The following CR1L variants were observed in gnomAD, a reference collection of about 807,000 sequenced individuals.
The protein encoded by CR1L is complement component receptor 1-like protein.
CR1L carries 59 observed loss-of-function variants against 62.3 expected under a neutral mutation model. That is an observed-to-expected ratio of 0.95 (90% CI 0.77 to 1.18). The LOEUF is 1.18. Among genes scored for constraint, CR1L ranks in the 50% most tolerant of loss-of-function variants. The probability of loss-of-function intolerance (pLI) is 0.00; values close to 1 mark genes in which losing one functional copy is unlikely to be tolerated. For missense variants in CR1L, 700 were observed against 702.8 expected (o/e 1.00, Z 0.04); for synonymous variants, 279 against 248.7 (o/e 1.12, Z -1.15).
chr1:207,709,832 C>CA (rs11452067), intron 10 of CR1L, among the ~76,000 whole-genome samples: 62,944 of 121,854 alleles, frequency 0.52, 15,057 homozygotes, highest in East Asian at 0.8. Flanking sequence ...GACTCTGTCT[C>CA]AAAAAAAAAA....
intron 5 of CR1L, 129 bp downstream of exon 5, chr1:207,694,880 G>T: frequency 1.3e-6 from 2 of 1,508,652 alleles, no homozygotes; most frequent in Non-Finnish European, 8.9e-7. Flanking sequence ...TCTAGGTAGT[G>T]AACATGAAAT....
chr1:207,650,042 T>A (rs533244874), intron 1 of CR1L, among the ~76,000 whole-genome samples: 1 of 151,986 alleles, frequency 6.6e-6, no homozygotes, highest in South Asian at 2.1e-4. Flanking sequence ...GTGTGTAGAG[T>A]CAAAAGTGGC....
intron 3 of CR1L, among the ~76,000 whole-genome samples, chr1:207,682,220 C>A (rs547259438): frequency 6.6e-4 from 92 of 139,994 alleles, no homozygotes; most frequent in African/African-American, 2.3e-3. Context: ...CGTGTAATCC[C>A]AGCACTTTGG....
intron 1 of CR1L, among the ~76,000 whole-genome samples, chr1:207,651,054 G>A (rs901358178): frequency 1.1e-4 from 17 of 152,030 alleles, no homozygotes; most frequent in African/African-American, 3.6e-4. Context: ...CAAACTGCTG[G>A]GATTACAGAC....
intron 1 of CR1L, among the ~76,000 whole-genome samples, chr1:207,645,938 T>G (rs1220199386): frequency 6.6e-6 from 1 of 152,156 alleles, no homozygotes; most frequent in Admixed American, 6.5e-5. Flanking sequence ...GACAGCTCAC[T>G]GTTTGCTTTG....
At chr1:207,715,985 G>A (rs780791785) in intron 10 of CR1L, among the ~76,000 whole-genome samples, 5 of 152,082 alleles carry the variant, frequency 3.3e-5, no homozygotes, top group South Asian at 2.1e-4. Context: ...GTGAGCCACC[G>A]TACCCAGCCA....
At chr1:207,680,544 AT>A (rs61550356) in intron 3 of CR1L, among the ~76,000 whole-genome samples, 7 of 151,410 alleles carry the variant, frequency 4.6e-5, no homozygotes, top group East Asian at 1.9e-4. Flanking sequence ...AAATAAAAAA[AT>A]TTTTTTTTTA....
chr1:207,666,330 A>T (rs1663523311), intron 1 of CR1L, among the ~76,000 whole-genome samples: 1 of 152,224 alleles, frequency 6.6e-6, no homozygotes, highest in East Asian at 1.9e-4. Flanking sequence ...ATGCATTACA[A>T]AAAACAGCTC....
intron 1 of CR1L, among the ~76,000 whole-genome samples, chr1:207,668,193 G>T (rs1329062541): frequency 6.6e-6 from 1 of 151,002 alleles, no homozygotes; most frequent in Non-Finnish European, 1.5e-5. Flanking sequence ...AAGGAAACCA[G>T]TATGATGAAA....
intron 1 of CR1L, among the ~76,000 whole-genome samples, chr1:207,655,875 C>T (rs35707912): frequency 0.11 from 16,901 of 152,214 alleles, 1,176 homozygotes; most frequent in East Asian, 0.22. Context: ...CTCTTCAACA[C>T]CTAACTTAAA....
At chr1:207,694,296 G>A (rs1664036856) in intron 4 of CR1L, 57 bp from the exon 5 acceptor site, 1 of 1,591,574 alleles carries the variant, frequency 6.3e-7, no homozygotes, top group African/African-American at 1.3e-5. Context: ...ACAGTTTAGT[G>A]ACTCGTGAGA....
Position 207,694,372 on chromosome 1 carries a change from C to T in CR1L, c.483C>T (p.Pro161=). Residue 161 remains proline (P), a synonymous_variant, in exon 5 of 12, where the codon CCC becomes CCT. Transcript: ENST00000508064. ...PVCDRIICGL[P]PTIANGDFTS... Reference sequence around the variant, plus strand: ...TCCCAGGAATTATTTGTGGGCTACCCCCCACCATCGCCAATGGAGATTTCA... The same window carrying T: ...TCCCAGGAATTATTTGTGGGCTACCTCCCACCATCGCCAATGGAGATTTCA... 2 of 1,613,970 alleles carry T rather than the reference C, an allele frequency of 1.2e-6. No homozygotes were observed. The highest frequency in any genetic ancestry group is 1.7e-6 in the Non-Finnish European group (2 of 1,179,874).
At chr1:207,656,698 G>A (rs1663317117) in intron 1 of CR1L, among the ~76,000 whole-genome samples, 1 of 152,212 alleles carries the variant, frequency 6.6e-6, no homozygotes, top group Admixed American at 6.5e-5. Context: ...AGGACGGGAG[G>A]TGTTGCGCAC....
intron 4 of CR1L, among the ~76,000 whole-genome samples, chr1:207,690,470 T>C (rs552264924): frequency 6.6e-6 from 1 of 152,360 alleles, no homozygotes; most frequent in South Asian, 2.1e-4. Context: ...AAATGTTACA[T>C]ATGCACTTGA....
intron 1 of CR1L, among the ~76,000 whole-genome samples, chr1:207,654,980 C>T (rs1663282985): frequency 6.6e-6 from 1 of 152,166 alleles, no homozygotes; most frequent in African/African-American, 2.4e-5. Flanking sequence ...GATGTTTTTG[C>T]TCTCGGCCAA....
At chr1:207,671,220 C>T (rs1412292195) in intron 1 of CR1L, among the ~76,000 whole-genome samples, 1 of 150,762 alleles carries the variant, frequency 6.6e-6, no homozygotes, top group African/African-American at 2.5e-5. Flanking sequence ...CATGTGACAG[C>T]GTTTTGTAAT....
Position 207,677,533 on chromosome 1 carries a change from A to C in CR1L, c.242A>C (p.Asn81Thr). The C allele has an allele frequency of 6.2e-7, 1 of 1,613,826 alleles. No individual in the cohort carries two copies. The highest frequency in any genetic ancestry group is 8.5e-7 in the Non-Finnish European group (1 of 1,179,864). The change falls in exon 2 of 12, where the codon AAC becomes ACC. Residue 81 changes from asparagine to threonine, a missense_variant. Transcript: ENST00000508064. ...CCGTTTTCTATCATCTGCCTAAAAA[A>C]CTCAGTCTGGACAAGTGCTAAGGAC... Reference protein sequence around the residue: ...GRPFSIICLKNSVWTSAKDKC... With the variant: ...GRPFSIICLKTSVWTSAKDKC...
intron 4 of CR1L, among the ~76,000 whole-genome samples, chr1:207,684,497 A>C (rs1215177581): frequency 1.3e-5 from 2 of 152,224 alleles, no homozygotes; most frequent in Non-Finnish European, 2.9e-5. Flanking sequence ...CATTATTTAT[A>C]TTAGTTAAAA....
intron 4 of CR1L, among the ~76,000 whole-genome samples, chr1:207,690,781 G>A (rs1663983716): frequency 6.6e-6 from 1 of 152,218 alleles, no homozygotes; most frequent in Non-Finnish European, 1.5e-5. Flanking sequence ...AGTGGCTGCT[G>A]GCAATCGTTG....
Sources: gnomAD v4.1 joint callset for allele counts (sites outside exome capture counted in the v4.1 genomes callset) on GRCh38, gnomAD v4.1.1 for gene constraint, MANE v1.5 for transcripts, NCBI Gene and HGNC (gene_info 2026-07-23, HGNC 2026-07-21) for gene names.